The following BRWD3 variants were observed in gnomAD, a reference collection of about 807,000 sequenced individuals.
BRWD3 encodes bromodomain and WD repeat domain containing 3.
BRWD3 carries 10 observed loss-of-function variants against 149.7 expected under a neutral mutation model. The ratio of observed to expected loss-of-function variants is 0.07; its 90% confidence interval spans 0.04 to 0.11. BRWD3 has a LOEUF of 0.11. Ranked by LOEUF, BRWD3 falls within the 10% of genes least tolerant of loss-of-function variation. The probability of loss-of-function intolerance (pLI) is 1.00; values close to 1 mark genes in which losing one functional copy is unlikely to be tolerated. For synonymous variants in BRWD3, 504 were observed against 456.7 expected (o/e 1.10, Z -1.32); for missense variants, 940 against 1,373.2 (o/e 0.68, Z 4.99).
chrX:80,743,229 C>A (rs1418613652), intron 8 of BRWD3, among the ~76,000 whole-genome samples: 5 of 112,072 alleles, frequency 4.5e-5, no homozygotes, highest in Non-Finnish European at 7.5e-5. Flanking sequence ...ACCAGCCGTG[C>A]ATCCCAGGGA....
chrX:80,779,081 A>C (rs912761031), intron 6 of BRWD3, among the ~76,000 whole-genome samples: 6 of 111,897 alleles, frequency 5.4e-5, no homozygotes, highest in African/African-American at 2.0e-4. Flanking sequence ...TGGGAGGCCG[A>C]GGCAGGTGAA....
At chrX:80,680,945 G>T (rs1044657093) in intron 40 of BRWD3, among the ~76,000 whole-genome samples, 1 of 102,574 alleles carries the variant, frequency 9.7e-6, no homozygotes, top group Non-Finnish European at 2.0e-5. Flanking sequence ...GTAGGTATGA[G>T]TTGTATGCCA....
At chrX:80,740,228 TG>T (rs2073465838) in intron 8 of BRWD3, among the ~76,000 whole-genome samples, 1 of 111,616 alleles carries the variant, frequency 9.0e-6, no homozygotes, top group Non-Finnish European at 1.9e-5. Flanking sequence ...CAAAAGTAAA[TG>T]GGTATAATTA....
chrX:80,767,648 A>C lies in BRWD3; in HGVS notation c.431-21919T>G, dbSNP rs144013686. The stretch of plus-strand genomic sequence containing the variant: ...AATTCTAAAAACCAGAGAGAAAATT[A>C]TAAAAACCAGAGAGCCTCTTCTCCT... On this transcript the variant is annotated intron_variant, in intron 6 of 40. Coordinates refer to ENST00000373275, the MANE Select transcript of BRWD3 (RefSeq NM_153252.5). Among the ~76,000 whole-genome samples the C allele has an allele frequency of 7.9e-3, 874 of 111,227 alleles. 6 individuals are homozygous for C. Among genetic ancestry groups the C allele is most frequent in the African/African-American group, 0.027 (841 of 30,584 alleles).
chrX:80,696,639 T>C, intron 26 of BRWD3, 100 bp downstream of exon 26: 1 of 941,009 alleles, frequency 1.1e-6, no homozygotes, highest in Non-Finnish European at 1.5e-6. Flanking sequence ...TAGTAAAGAA[T>C]GCTATAGTGT....
chrX:80,808,760 T>TGGGGGGGGGGGGGGGGGG (rs57997309), intron 3 of BRWD3, among the ~76,000 whole-genome samples, 162 bp from the exon 4 acceptor site: 1 of 25,035 alleles, frequency 4.0e-5, no homozygotes, highest in African/African-American at 1.4e-4. Context: ...GACAAGTATA[T>TGGGGGGGGGGGGGGGGGG]GGGGGGGGGG....
chrX:80,712,069 G>A (rs997655707), intron 20 of BRWD3, among the ~76,000 whole-genome samples: 1 of 111,668 alleles, frequency 9.0e-6, no homozygotes, highest in Non-Finnish European at 1.9e-5. Flanking sequence ...AGTATCTTTA[G>A]AATAAATTTA....
At chrX:80,769,006 T>C (rs1602413542) in intron 6 of BRWD3, among the ~76,000 whole-genome samples, 2 of 111,586 alleles carry the variant, frequency 1.8e-5, no homozygotes, top group African/African-American at 6.5e-5. Context: ...GGACATTACA[T>C]AATGGTAAAG....
chrX:80,697,379 T>C (rs773923350), intron 25 of BRWD3, among the ~76,000 whole-genome samples: 1 of 111,030 alleles, frequency 9.0e-6, no homozygotes, highest in Non-Finnish European at 1.9e-5. Flanking sequence ...CAGAGATATA[T>C]TGCATAATGG....
chrX:80,788,126 A>AAATG (rs2074135207), intron 6 of BRWD3, among the ~76,000 whole-genome samples: 1 of 63,962 alleles, frequency 1.6e-5, no homozygotes, highest in Non-Finnish European at 3.6e-5. Context: ...ATAAATAAAT[A>AAATG]AATAAATAAA....
chrX:80,791,223 G>T (rs184717788), intron 6 of BRWD3, among the ~76,000 whole-genome samples: 2 of 111,778 alleles, frequency 1.8e-5, no homozygotes, highest in Admixed American at 1.9e-4. Flanking sequence ...ATAAAATAAC[G>T]TAATTTTTTA....
chrX:80,809,101 C>G, intron 2 of BRWD3, 59 bp from the exon 3 acceptor site: 2 of 1,163,878 alleles, frequency 1.7e-6, no homozygotes, highest in Admixed American at 2.5e-5. Flanking sequence ...CCATTCCTCC[C>G]TCCACACTTA....
At chrX:80,727,024 A>T (rs1394774887) in intron 14 of BRWD3, among the ~76,000 whole-genome samples, 1 of 109,277 alleles carries the variant, frequency 9.2e-6, no homozygotes, top group Non-Finnish European at 1.9e-5. Context: ...GGGGATTTTC[A>T]TTTTTTTTGG....
rs758454244 is a variant in BRWD3, at chrX:80,798,393, GT to G, written c.181-4622del. ...AAAATAAGAACTCTTACCCCGAATA[GT>G]TTTTTTTTTACATTTTTAAATAAAT... On this transcript the variant is annotated intron_variant, in intron 4 of 40. Transcript: ENST00000373275. Among the ~76,000 whole-genome samples the G allele has an allele frequency of 8.3e-3, 879 of 106,272 alleles. 11 individuals carry two copies. The highest frequency in any genetic ancestry group is 0.028 in the African/African-American group (823 of 29,433). The allele number at this position is 106,272 out of a possible 115,157, so 92.3% of individuals were successfully genotyped here. A position where few individuals can be genotyped will look rare whatever the true frequency, so the allele number is the denominator to read the frequency against.
rs2073644092 is a variant in BRWD3, at chrX:80,749,981, C to T, written c.431-4252G>A. Among the ~76,000 whole-genome samples, 3 of 111,593 alleles carry T rather than the reference C, an allele frequency of 2.7e-5. No individual in the cohort carries two copies. The South Asian group carries it at 1.1e-3, about 42-fold the overall frequency. On this transcript the variant is annotated intron_variant, in intron 6 of 40. Coordinates refer to ENST00000373275, the MANE Select transcript of BRWD3 (RefSeq NM_153252.5). Reference sequence around the variant, plus strand: ...ATATTCAACATAGATTCCAAGAACACACAATGGGGAAAGGACAGTTTCTTC... The same window carrying T: ...ATATTCAACATAGATTCCAAGAACATACAATGGGGAAAGGACAGTTTCTTC...
chrX:80,679,673 G>C (rs73225392), intron 40 of BRWD3, among the ~76,000 whole-genome samples: 9,277 of 110,999 alleles, frequency 0.084, 376 homozygotes, highest in South Asian at 0.19. Flanking sequence ...ATAGAGTATA[G>C]AAGCTTACAA....
chrX:80,686,940 T>G lies in BRWD3; in HGVS notation c.3928A>C (p.Lys1310Gln), dbSNP rs200456572. 3.3e-6 allele frequency: 4 copies of G among 1,209,699 alleles called. No homozygotes were observed. Among genetic ancestry groups the G allele is most frequent in the Non-Finnish European group, 3.4e-6 (3 of 894,137 alleles). The change falls in exon 35 of 41, where the codon AAG becomes CAG. Residue 1310 changes from lysine to glutamine, a missense_variant. By Grantham distance (53) the Lys-to-Gln change is moderately conservative. Coordinates refer to ENST00000373275, the MANE Select transcript of BRWD3 (RefSeq NM_153252.5). ...CNPDAWKKQC[K>Q]ELLSLIYERE... ...TCATAAATGAGGCTCAATAGTTCCT[T>G]GCATTGTTTTTTCCAAGCATCAGGA...
chrX:80,773,746 T>C (rs1206316245), intron 6 of BRWD3, among the ~76,000 whole-genome samples: 2 of 111,961 alleles, frequency 1.8e-5, no homozygotes, highest in Middle Eastern at 4.2e-3. Flanking sequence ...CAATGAACCC[T>C]TCAAAGTTAT....
intron 27 of BRWD3, among the ~76,000 whole-genome samples, chrX:80,694,618 G>A (rs892305795): frequency 3.6e-5 from 4 of 111,741 alleles, no homozygotes; most frequent in African/African-American, 1.3e-4. Context: ...AGCGTGACCT[G>A]GATATGAGAC....
Sources: allele counts gnomAD v4.1 joint callset (sites outside exome capture counted in the v4.1 genomes callset), GRCh38; gene constraint gnomAD v4.1.1; transcripts MANE v1.5; gene names NCBI Gene and HGNC (gene_info 2026-07-23, HGNC 2026-07-21).